Variants in TMEM116 observed in about 807,000 individuals in gnomAD.
TMEM116 encodes transmembrane protein 116.
A neutral mutation model predicts 44.3 loss-of-function variants in TMEM116; 38 were observed. The observed-to-expected ratio is 0.86, with a 90% confidence interval of 0.66 to 1.12. The LOEUF (loss-of-function observed/expected upper bound fraction) is 1.12, where lower values mean the gene tolerates loss of function less well. Among genes scored for constraint, TMEM116 ranks in the 50% most tolerant of loss-of-function variants. TMEM116 has a pLI of 0.00. For synonymous variants in TMEM116, 132 were observed against 144.8 expected (o/e 0.91, Z 0.64); for missense variants, 354 against 401.7 (o/e 0.88, Z 1.01).
At chr12:111,941,664 G>A (rs149418421) in intron 5 of TMEM116, among the ~76,000 whole-genome samples, 1 of 152,118 alleles carries the variant, frequency 6.6e-6, no homozygotes, top group Non-Finnish European at 1.5e-5. Flanking sequence ...ATGATATCTT[G>A]TTCAGGATAC....
intron 4 of TMEM116, among the ~76,000 whole-genome samples, chr12:111,972,595 C>T (rs1593468055): frequency 6.6e-6 from 1 of 152,072 alleles, no homozygotes; most frequent in East Asian, 1.9e-4. Context: ...TAAAATAAGT[C>T]TTGCCGGGTG....
intron 4 of TMEM116, among the ~76,000 whole-genome samples, chr12:111,984,798 C>T (rs1370197903): frequency 6.6e-6 from 1 of 151,428 alleles, no homozygotes; most frequent in Non-Finnish European, 1.5e-5. Context: ...TTTCATGTAC[C>T]CCCATAAATA....
At chr12:111,955,547 G>C (rs1346646211) in intron 4 of TMEM116, among the ~76,000 whole-genome samples, 1 of 152,212 alleles carries the variant, frequency 6.6e-6, no homozygotes, top group African/African-American at 2.4e-5. Flanking sequence ...AGATGCTGTA[G>C]TGCAGACAAA....
rs188924755 is a variant in TMEM116, at chr12:111,997,383, T to C, written c.79-5494A>G. Among the ~76,000 whole-genome samples the C allele has an allele frequency of 2.6e-3, 399 of 152,172 alleles. 3 individuals are homozygous for C. Among genetic ancestry groups the C allele is most frequent in the African/African-American group, 8.2e-3 (340 of 41,522 alleles). On this transcript the variant is annotated intron_variant, in intron 3 of 10. Transcript: ENST00000552374. ...AGCCTTGGCAACATAACAAGACCCC[T>C]GTCTCTACAAAATTAAAAATTAAAA...
intron 4 of TMEM116, among the ~76,000 whole-genome samples, chr12:111,947,889 T>C (rs1038207572): frequency 6.6e-6 from 1 of 152,202 alleles, no homozygotes; most frequent in African/African-American, 2.4e-5. Flanking sequence ...TTAAATAACA[T>C]AAAAGTAATG....
intron 1 of TMEM116, chr12:112,011,528 T>C (rs1434216305): frequency 6.6e-6 from 1 of 152,260 alleles, no homozygotes; most frequent in East Asian, 1.9e-4. Flanking sequence ...CATTTGTTCA[T>C]CAAATCTTGT....
In TMEM116 at chr12:111,975,168, A is replaced by G. The variant is rs79167167; in HGVS notation, c.210+16590T>C. ...CAAGCGATATCTGTTTTTTTGAGAC[A>G]GAGTCTTGCTCTCCTACCCAGGCTG... is the stretch of plus-strand genomic sequence containing the variant. On this transcript the variant is annotated intron_variant, in intron 4 of 10. Transcript: ENST00000552374. Among the ~76,000 whole-genome samples, 14 of 152,348 alleles carry G rather than the reference A, an allele frequency of 9.2e-5. No homozygotes were observed. In the East Asian group the frequency reaches 2.7e-3, roughly 29 times the overall value.
intron 4 of TMEM116, among the ~76,000 whole-genome samples, chr12:111,955,233 C>CCTT (rs1466104086): frequency 1.3e-5 from 2 of 152,178 alleles, no homozygotes; most frequent in Non-Finnish European, 2.9e-5. Flanking sequence ...ACAGTACCCT[C>CCTT]CTTGGTGTCT....
At chr12:111,943,510 C>T in intron 4 of TMEM116, 141 bp from the exon 5 acceptor site, 2 of 640,054 alleles carry the variant, frequency 3.1e-6, no homozygotes, top group South Asian at 1.9e-5. Context: ...CCATACCAGG[C>T]AAAACCATAC....
chr12:112,003,612 A>T, intron 3 of TMEM116, 188 bp downstream of exon 3: 1 of 649,798 alleles, frequency 1.5e-6, no homozygotes, highest in East Asian at 3.7e-5. Context: ...TCAAAGTTAT[A>T]GCTAAAATAA....
chr12:111,978,929 G>A (rs1054945531), intron 4 of TMEM116: 7 of 218,560 alleles, frequency 3.2e-5, no homozygotes, highest in African/African-American at 1.6e-4. Flanking sequence ...TGGAAAAAGT[G>A]TAGTCTTTTC....
intron 4 of TMEM116, among the ~76,000 whole-genome samples, chr12:111,991,016 C>G (rs368365173): frequency 6.6e-6 from 1 of 151,906 alleles, no homozygotes; most frequent in Non-Finnish European, 1.5e-5. Context: ...GTCAAGAGAT[C>G]GAGACCATCC....
intron 4 of TMEM116, among the ~76,000 whole-genome samples, chr12:111,951,687 A>AG (rs1271987323): frequency 6.6e-6 from 1 of 152,110 alleles, no homozygotes; most frequent in Non-Finnish European, 1.5e-5. Flanking sequence ...AAGGAGGGAG[A>AG]GGATCAGGAA....
At chr12:111,953,006 A>G (rs1382502226) in intron 4 of TMEM116, among the ~76,000 whole-genome samples, 2 of 152,162 alleles carry the variant, frequency 1.3e-5, no homozygotes, top group Non-Finnish European at 2.9e-5. Context: ...ATGTGAAATG[A>G]GATTATCATA....
intron 3 of TMEM116, among the ~76,000 whole-genome samples, chr12:111,999,299 T>C (rs2077107138): frequency 6.6e-6 from 1 of 152,156 alleles, no homozygotes; most frequent in Non-Finnish European, 1.5e-5. Flanking sequence ...TCTAGCTCTT[T>C]AAAAATATTG....
intron 4 of TMEM116, among the ~76,000 whole-genome samples, chr12:111,977,232 C>G (rs369561005): frequency 6.6e-6 from 1 of 152,066 alleles, no homozygotes; most frequent in Non-Finnish European, 1.5e-5. Flanking sequence ...AGTTTTAAAA[C>G]CACTTTTTTT....
At chr12:111,989,429 A>C (rs545249858) in intron 4 of TMEM116, among the ~76,000 whole-genome samples, 1 of 152,364 alleles carries the variant, frequency 6.6e-6, no homozygotes, top group African/African-American at 2.4e-5. Flanking sequence ...TAACCTGTCT[A>C]CTATGCGTGT....
intron 3 of TMEM116, among the ~76,000 whole-genome samples, chr12:111,992,178 A>G (rs1392990052): frequency 6.6e-6 from 1 of 152,214 alleles, no homozygotes; most frequent in Non-Finnish European, 1.5e-5. Context: ...ATAGGGTTAA[A>G]AAAAGAGTGG....
intron 1 of TMEM116, among the ~76,000 whole-genome samples, chr12:112,007,846 C>G (rs1176972770): frequency 1.3e-5 from 2 of 152,152 alleles, no homozygotes; most frequent in African/African-American, 4.8e-5. Flanking sequence ...TACCATCTAC[C>G]AACATTTGGG....
Sources: gnomAD v4.1 joint callset for allele counts (sites outside exome capture counted in the v4.1 genomes callset) on GRCh38, gnomAD v4.1.1 for gene constraint, MANE v1.5 for transcripts, NCBI Gene and HGNC (gene_info 2026-07-23, HGNC 2026-07-21) for gene names.